CDK19: variants seen among roughly 807,000 people sequenced by gnomAD.
CDK19 encodes the protein cyclin dependent kinase 19.
In CDK19, 20 loss-of-function variants were observed where a neutral mutation model predicts 68.3. The ratio of observed to expected loss-of-function variants is 0.29; its 90% CI spans 0.21 to 0.43. CDK19 has a LOEUF of 0.43. Ranked by LOEUF, CDK19 falls within the 20% of genes least tolerant of loss-of-function variation. The pLI is 1.00. For synonymous variants in CDK19, 221 were observed against 222.8 expected (o/e 0.99, Z 0.07); for missense variants, 339 against 623.5 (o/e 0.54, Z 4.86).
At chr6:110,704,747 C>T (rs1216772015) in intron 2 of CDK19, among the ~76,000 whole-genome samples, 1 of 151,950 alleles carries the variant, frequency 6.6e-6, no homozygotes, top group Non-Finnish European at 1.5e-5. Flanking sequence ...TGTTCTACAA[C>T]TATATAGATT....
At chr6:110,806,697 G>T (rs1038335030) in intron 1 of CDK19, among the ~76,000 whole-genome samples, 1 of 152,196 alleles carries the variant, frequency 6.6e-6, no homozygotes, top group Non-Finnish European at 1.5e-5. Context: ...TAAAATATGG[G>T]CCAAGCACTG....
intron 4 of CDK19, chr6:110,646,288 G>A: frequency 6.6e-7 from 1 of 1,507,222 alleles, no homozygotes; most frequent in African/African-American, 1.4e-5. Context: ...GCCAACATGT[G>A]CAAGCACAAG....
chr6:110,704,105 G>A (rs1774237137), intron 2 of CDK19, among the ~76,000 whole-genome samples: 1 of 152,154 alleles, frequency 6.6e-6, no homozygotes, highest in South Asian at 2.1e-4. Context: ...TGGTGTCAAA[G>A]GATGTGTTTG....
intron 3 of CDK19, among the ~76,000 whole-genome samples, 178 bp from the exon 4 acceptor site, chr6:110,667,752 A>C (rs1562177397): frequency 6.6e-6 from 1 of 152,302 alleles, no homozygotes; most frequent in South Asian, 2.1e-4. Flanking sequence ...TTTGAGGGTG[A>C]CTGTGACCAT....
At chr6:110,807,697 T>A (rs902890150) in intron 1 of CDK19, among the ~76,000 whole-genome samples, 1 of 152,156 alleles carries the variant, frequency 6.6e-6, no homozygotes, top group Non-Finnish European at 1.5e-5. Flanking sequence ...TTGCCTCAAG[T>A]GATCTGCCCA....
intron 1 of CDK19, among the ~76,000 whole-genome samples, chr6:110,794,406 C>CT (rs58569860): frequency 0.61 from 80,400 of 131,944 alleles, 25,884 homozygotes; most frequent in Admixed American, 0.72. Context: ...TAGTTTGAAA[C>CT]TTTTTTTTTT....
At chr6:110,763,856 A>G (rs1779398058) in intron 1 of CDK19, among the ~76,000 whole-genome samples, 1 of 152,198 alleles carries the variant, frequency 6.6e-6, no homozygotes, top group Non-Finnish European at 1.5e-5. Context: ...AGAAAATCCC[A>G]AAGAATCAAC....
chr6:110,651,437 C>T (rs916666852), intron 4 of CDK19, among the ~76,000 whole-genome samples: 2 of 152,032 alleles, frequency 1.3e-5, no homozygotes, highest in Non-Finnish European at 2.9e-5. Flanking sequence ...TTTTAAAACA[C>T]ATAATAAAAA....
chr6:110,659,231 G>T lies in CDK19; in HGVS notation c.456+8203C>A, dbSNP rs76936316. 1.6e-3 allele frequency among the ~76,000 whole-genome samples: 246 copies of T among 152,326 alleles called. 2 individuals are homozygous for T. Among genetic ancestry groups the T allele is most frequent in the African/African-American group, 5.6e-3 (232 of 41,572 alleles). On this transcript the variant is annotated intron_variant, in intron 4 of 12. Transcript: ENST00000368911. The stretch of plus-strand genomic sequence containing the variant: ...TGTATCTCCTTGTCAGACAACTTAT[G>T]AAGAGAAGCTATGCTGCATGCAGAG...
At chr6:110,717,835 G>T (rs1231290992) in intron 2 of CDK19, among the ~76,000 whole-genome samples, 1 of 152,152 alleles carries the variant, frequency 6.6e-6, no homozygotes, top group African/African-American at 2.4e-5. Flanking sequence ...CCACGTAGCT[G>T]GGATTACAGG....
At position 110,612,978 on chromosome 6, in the gene CDK19, T is replaced by A. The variant is rs984124333; in HGVS notation, c.*1557A>T. ...AGGTAGATAAGTTCAGAAAGAATAG[T>A]TTTTAAAAATGCATGTAATTTGCAT... On this transcript the variant is annotated 3_prime_UTR_variant, in exon 13 of 13. Transcript: ENST00000368911. The A allele has an allele frequency of 6.6e-6, 1 of 152,640 alleles. No homozygotes were observed. The highest frequency in any genetic ancestry group is 1.5e-5 in the Non-Finnish European group (1 of 68,034). The allele number at this position is 152,640 out of a possible 1,614,324, so 9.5% of individuals were successfully genotyped here.
chr6:110,777,606 G>C (rs978028395), intron 1 of CDK19, among the ~76,000 whole-genome samples: 18 of 152,154 alleles, frequency 1.2e-4, no homozygotes, highest in African/African-American at 3.9e-4. Flanking sequence ...AAATTAAACA[G>C]AGAATTACCA....
chr6:110,771,169 G>A (rs1562275077), intron 1 of CDK19, among the ~76,000 whole-genome samples: 1 of 152,168 alleles, frequency 6.6e-6, no homozygotes, highest in Non-Finnish European at 1.5e-5. Flanking sequence ...CTCTGTGTGG[G>A]GGCTCCAACC....
chr6:110,616,771 T>C (rs2114574392), intron 12 of CDK19, among the ~76,000 whole-genome samples: 2 of 152,308 alleles, frequency 1.3e-5, no homozygotes, highest in South Asian at 4.1e-4. Flanking sequence ...CAAATTTTAA[T>C]TACGTGTTTT....
At chr6:110,730,274 A>T (rs866306596) in intron 2 of CDK19, among the ~76,000 whole-genome samples, 1 of 152,208 alleles carries the variant, frequency 6.6e-6, no homozygotes, top group South Asian at 2.1e-4. Flanking sequence ...GGCAATCCTA[A>T]TCAACCCAAA....
chr6:110,797,792 C>T (rs1782043367), intron 1 of CDK19, among the ~76,000 whole-genome samples: 4 of 152,104 alleles, frequency 2.6e-5, no homozygotes, highest in Admixed American at 2.6e-4. Context: ...CGAGACCAGG[C>T]TGGCCAACAT....
At chr6:110,722,840 C>A (rs1486612974) in intron 2 of CDK19, among the ~76,000 whole-genome samples, 1 of 151,854 alleles carries the variant, frequency 6.6e-6, no homozygotes, top group Non-Finnish European at 1.5e-5. Flanking sequence ...GTACTACAGC[C>A]TGGGTGACAG....
intron 1 of CDK19, among the ~76,000 whole-genome samples, chr6:110,770,665 CTCAAAGTCTTAACTCATT>C (rs1779953726): frequency 6.6e-6 from 1 of 152,120 alleles, no homozygotes; most frequent in South Asian, 2.1e-4. Context: ...CCAAGAGTCC[CTCAAAGTCTTAACTCATT>C]TCAGCATTAA....
rs1778021394 is a variant in CDK19, at chr6:110,611,501, C to T, written c.*3034G>A. On this transcript the variant is annotated 3_prime_UTR_variant, in exon 13 of 13. Coordinates refer to ENST00000368911, the MANE Select transcript of CDK19 (RefSeq NM_015076.5). ...TTACGTGTGTTAAAAAGGCTTTGTT[C>T]CCAACTGGGTGCGGTGGCTCACACC... 6.6e-6 allele frequency: 1 copy of T among 152,240 alleles called. No individual in the cohort carries two copies. Among genetic ancestry groups the T allele is most frequent in the Non-Finnish European group, 1.5e-5 (1 of 68,088 alleles). The allele number at this position is 152,240 out of a possible 1,614,324, so 9.4% of individuals were successfully genotyped here.
Sources: allele counts gnomAD v4.1 joint callset (sites outside exome capture counted in the v4.1 genomes callset), GRCh38; gene constraint gnomAD v4.1.1; transcripts MANE v1.5; gene names NCBI Gene and HGNC (gene_info 2026-07-23, HGNC 2026-07-21).